Variants in GSTCD observed in about 807,000 individuals in gnomAD.
GSTCD encodes glutathione S-transferase C-terminal domain containing.
GSTCD carries 44 observed loss-of-function variants against 68.3 expected under a neutral mutation model. That is an observed-to-expected ratio of 0.64 (90% CI 0.51 to 0.83). The LOEUF is 0.83. GSTCD is among the 40% of genes least tolerant of loss of function. GSTCD has a pLI of 0.00. For synonymous variants in GSTCD, 273 were observed against 255.2 expected, an observed-to-expected ratio of 1.07 and a Z score of -0.67; for missense variants, 739 against 735.9, an observed-to-expected ratio of 1.00 and a Z score of -0.05.
At chr4:105,799,584 A>G (rs932668071) in intron 5 of GSTCD, among the ~76,000 whole-genome samples, 10 of 152,152 alleles carry the variant, frequency 6.6e-5, no homozygotes, top group African/African-American at 2.4e-4. Context: ...GAGCAGTGAG[A>G]ACACACACAA....
chr4:105,736,037 G>GT (rs1320312431), intron 5 of GSTCD, among the ~76,000 whole-genome samples: 2 of 135,918 alleles, frequency 1.5e-5, no homozygotes, highest in Non-Finnish European at 3.4e-5. Flanking sequence ...TTATTGTTTG[G>GT]TTTTAAGCTA....
At chr4:105,783,755 C>A (rs779422930) in intron 5 of GSTCD, among the ~76,000 whole-genome samples, 4 of 152,146 alleles carry the variant, frequency 2.6e-5, no homozygotes, top group Non-Finnish European at 5.9e-5. Flanking sequence ...CATCAATTGT[C>A]CCAATATCTT....
chr4:105,801,660 A>G (rs1736109931), intron 5 of GSTCD, among the ~76,000 whole-genome samples: 2 of 152,018 alleles, frequency 1.3e-5, no homozygotes, highest in Admixed American at 1.3e-4. Flanking sequence ...TTCTGCTGTA[A>G]TGAGCATGCA....
At chr4:105,718,474 G>A (rs1578406355) in intron 2 of GSTCD, among the ~76,000 whole-genome samples, 2 of 152,238 alleles carry the variant, frequency 1.3e-5, no homozygotes, top group African/African-American at 4.8e-5. Context: ...AGCTTCCTGA[G>A]GTCCTGATCA....
chr4:105,827,478 A>G (rs1723692041), intron 8 of GSTCD, among the ~76,000 whole-genome samples: 1 of 152,148 alleles, frequency 6.6e-6, no homozygotes, highest in Admixed American at 6.5e-5. Context: ...ACCCTTGTCA[A>G]GGTGTATAGA....
chr4:105,791,372 A>T (rs927380403), intron 5 of GSTCD, among the ~76,000 whole-genome samples: 3 of 150,380 alleles, frequency 2.0e-5, no homozygotes, highest in African/African-American at 4.9e-5. Context: ...CAGCCTGGGC[A>T]ACAGAGCGAG....
At chr4:105,771,515 A>G (rs544812622) in intron 5 of GSTCD, among the ~76,000 whole-genome samples, 12 of 152,270 alleles carry the variant, frequency 7.9e-5, no homozygotes, top group African/African-American at 2.9e-4. Context: ...CTAACATTTA[A>G]GTCTTTAATC....
Position 105,845,538 on chromosome 4 carries a change from C to G in GSTCD, c.1863C>G (p.Cys621Trp). 1.2e-6 allele frequency: 2 copies of G among 1,614,098 alleles called. No individual in the cohort carries two copies. The highest frequency in any genetic ancestry group is 1.7e-6 in the Non-Finnish European group (2 of 1,179,962). The change falls in exon 12 of 12, where the codon TGC becomes TGG. Residue 621 changes from cysteine to tryptophan, a missense_variant. Physicochemically the swap from Cys to Trp is radical, Grantham distance 215. Coordinates refer to ENST00000515279, the MANE Select transcript of GSTCD (RefSeq NM_001370181.1). ...TGATATCCATGGAGCCAGAGAGCTGCTCTCCCAAAAATAACATGATTGTGG... is the reference window on the plus strand; with the variant it reads ...TGATATCCATGGAGCCAGAGAGCTGGTCTCCCAAAAATAACATGATTGTGG... ...VQVISMEPES[C>W]SPKNNMIVGV...
intron 5 of GSTCD, among the ~76,000 whole-genome samples, chr4:105,734,017 C>T (rs895673728): frequency 1.3e-5 from 2 of 152,164 alleles, no homozygotes; most frequent in African/African-American, 2.4e-5. Flanking sequence ...TATTGGCCCC[C>T]ACTCTCTTCT....
chr4:105,767,241 C>T (rs906271253), intron 5 of GSTCD, among the ~76,000 whole-genome samples: 46 of 152,206 alleles, frequency 3.0e-4, no homozygotes, highest in African/African-American at 1.0e-3. Flanking sequence ...AACTCGGATG[C>T]AATGATTGGC....
At chr4:105,783,945 T>G (rs1318033240) in intron 5 of GSTCD, among the ~76,000 whole-genome samples, 1 of 152,204 alleles carries the variant, frequency 6.6e-6, no homozygotes, top group African/African-American at 2.4e-5. Flanking sequence ...TCTGATTAGA[T>G]TCATATTATG....
chr4:105,734,135 C>G (rs1331901940), intron 5 of GSTCD, among the ~76,000 whole-genome samples: 1 of 152,238 alleles, frequency 6.6e-6, no homozygotes, highest in South Asian at 2.1e-4. Context: ...TCCTTCATTT[C>G]AACTTTGGTG....
chr4:105,729,322 T>C, intron 4 of GSTCD, 84 bp from the exon 5 acceptor site: 3 of 709,282 alleles, frequency 4.2e-6, no homozygotes, highest in Non-Finnish European at 6.8e-6. Context: ...CTTACCAATA[T>C]ACAAATATAA....
At chr4:105,783,809 T>C (rs1735368172) in intron 5 of GSTCD, among the ~76,000 whole-genome samples, 1 of 152,234 alleles carries the variant, frequency 6.6e-6, no homozygotes, top group African/African-American at 2.4e-5. Context: ...TTATATTGTA[T>C]GTAGTTTTCA....
chr4:105,735,978 A>G (rs1466822300), intron 5 of GSTCD, among the ~76,000 whole-genome samples: 1 of 152,214 alleles, frequency 6.6e-6, no homozygotes, highest in African/African-American at 2.4e-5. Context: ...TGCCCAATTT[A>G]TAATCCATTT....
intron 5 of GSTCD, among the ~76,000 whole-genome samples, chr4:105,791,985 T>G (rs1278305087): frequency 6.6e-6 from 1 of 152,070 alleles, no homozygotes; most frequent in Non-Finnish European, 1.5e-5. Flanking sequence ...ATACAGAAAT[T>G]TAAGGAAAAT....
At chr4:105,726,084 G>A (rs1395427816) in intron 3 of GSTCD, among the ~76,000 whole-genome samples, 1 of 152,084 alleles carries the variant, frequency 6.6e-6, no homozygotes, top group Non-Finnish European at 1.5e-5. Context: ...ACATTATAAT[G>A]TATAGCAACA....
intron 8 of GSTCD, 167 bp downstream of exon 8, chr4:105,825,967 C>T (rs184265966): frequency 3.0e-6 from 1 of 338,644 alleles, no homozygotes; most frequent in South Asian, 4.0e-5. Flanking sequence ...TTATTATATT[C>T]ATAGCACTTC....
At chr4:105,712,871 C>A (rs1732578174) in intron 1 of GSTCD, among the ~76,000 whole-genome samples, 1 of 152,092 alleles carries the variant, frequency 6.6e-6, no homozygotes, top group African/African-American at 2.4e-5. Flanking sequence ...AAAACATCCA[C>A]ATGGAGATGT....
Sources: allele counts gnomAD v4.1 joint callset (sites outside exome capture counted in the v4.1 genomes callset), GRCh38; gene constraint gnomAD v4.1.1; transcripts MANE v1.5; gene names NCBI Gene and HGNC (gene_info 2026-07-23, HGNC 2026-07-21).